KDM4C: variants seen among roughly 807,000 people sequenced by gnomAD.
KDM4C encodes the protein lysine-specific demethylase 4C.
A neutral mutation model predicts 129.3 loss-of-function variants in KDM4C; 81 were observed. The ratio of observed to expected loss-of-function variants is 0.63; its 90% CI spans 0.52 to 0.75. KDM4C has a LOEUF of 0.75. Among genes scored for constraint, KDM4C ranks in the 30% least tolerant of loss-of-function variants. The pLI, the probability that KDM4C is intolerant of heterozygous loss-of-function variation, is 0.00. For missense variants in KDM4C, 1,457 were observed against 1,304.0 expected, an observed-to-expected ratio of 1.12 and a Z score of -1.81; for synonymous variants, 573 against 456.1, an observed-to-expected ratio of 1.26 and a Z score of -3.26.
chr9:6,910,269 T>A (rs1304660526), intron 8 of KDM4C, among the ~76,000 whole-genome samples: 1 of 152,194 alleles, frequency 6.6e-6, no homozygotes. Context: ...CATTTGTAAT[T>A]CATTAATCTT....
rs377182764 is a variant in KDM4C, at chr9:6,847,406, G to GT, written c.436-2091dup. Among the ~76,000 whole-genome samples, 1,406 of 147,600 alleles carry GT rather than the reference G, an allele frequency of 9.5e-3. 21 individuals are homozygous for GT. The highest frequency in any genetic ancestry group is 0.033 in the African/African-American group (1,313 of 40,398). ...GGAACCTAGGATCTTCTCTTTTTTT[G>GT]TTTTTTTTTTGAGACGGAGTCTTGC... On this transcript the variant is annotated intron_variant, in intron 4 of 21. Coordinates refer to ENST00000381309, the MANE Select transcript of KDM4C (RefSeq NM_015061.6).
chr9:6,855,459 A>AC (rs2130289245), intron 5 of KDM4C, among the ~76,000 whole-genome samples: 1 of 27,456 alleles, frequency 3.6e-5, no homozygotes, highest in African/African-American at 2.9e-4. Flanking sequence ...ACTCCGTCTC[A>AC]AAAAAAAAAA....
At chr9:6,925,359 GAGA>G in intron 8 of KDM4C, 4 of 985,394 alleles carry the variant, frequency 4.1e-6, no homozygotes, top group Non-Finnish European at 4.8e-6. Flanking sequence ...TTTTGGCGAA[GAGA>G]AGCTCAGTTC....
intron 1 of KDM4C, among the ~76,000 whole-genome samples, chr9:6,749,499 A>G (rs1817998624): frequency 6.6e-6 from 1 of 152,064 alleles, no homozygotes; most frequent in Non-Finnish European, 1.5e-5. Context: ...CCATCTCTAC[A>G]AAAAATAAAT....
intron 1 of KDM4C, among the ~76,000 whole-genome samples, chr9:6,764,048 C>T (rs762837260): frequency 1.3e-5 from 2 of 152,124 alleles, no homozygotes; most frequent in Non-Finnish European, 2.9e-5. Flanking sequence ...AATGAGCCAC[C>T]GCTCCCAGCC....
intron 4 of KDM4C, among the ~76,000 whole-genome samples, chr9:6,824,142 T>C (rs1833497424): frequency 6.6e-6 from 1 of 152,198 alleles, no homozygotes; most frequent in African/African-American, 2.4e-5. Context: ...GTAAAAAAAT[T>C]ATTGTAGCAA....
chr9:7,015,440 G>A (rs531669717), intron 14 of KDM4C, among the ~76,000 whole-genome samples: 1 of 152,144 alleles, frequency 6.6e-6, no homozygotes, highest in East Asian at 1.9e-4. Flanking sequence ...TGCAGCATTT[G>A]CCCTATCATT....
intron 8 of KDM4C, among the ~76,000 whole-genome samples, chr9:6,897,635 G>A (rs1283434310): frequency 6.6e-6 from 1 of 152,252 alleles, no homozygotes; most frequent in South Asian, 2.1e-4. Flanking sequence ...TTTGGTGAGT[G>A]CCCAGTGAGT....
intron 1 of KDM4C, among the ~76,000 whole-genome samples, chr9:6,730,208 G>A (rs1481017838): frequency 6.6e-6 from 1 of 152,156 alleles, no homozygotes; most frequent in East Asian, 1.9e-4. Flanking sequence ...AAAAGCAACA[G>A]GGCTTTTCGG....
intron 1 of KDM4C, among the ~76,000 whole-genome samples, chr9:6,722,976 C>T (rs559854118): frequency 3.0e-4 from 45 of 151,682 alleles, no homozygotes; most frequent in Non-Finnish European, 6.0e-4. Flanking sequence ...GAGCGATACA[C>T]GACAGAGCAA....
At chr9:7,107,696 C>G (rs985455317) in intron 18 of KDM4C, among the ~76,000 whole-genome samples, 1 of 152,112 alleles carries the variant, frequency 6.6e-6, no homozygotes. Flanking sequence ...CTTTAGAAAC[C>G]TTAGAAGTCG....
intron 15 of KDM4C, among the ~76,000 whole-genome samples, chr9:7,036,310 C>A (rs1288349887): frequency 1.3e-5 from 2 of 152,052 alleles, no homozygotes; most frequent in Non-Finnish European, 2.9e-5. Context: ...TATTTGAAAA[C>A]CAAATGTTGT....
At chr9:7,120,833 C>G (rs372609495) in intron 18 of KDM4C, among the ~76,000 whole-genome samples, 1 of 152,204 alleles carries the variant, frequency 6.6e-6, no homozygotes, top group East Asian at 1.9e-4. Flanking sequence ...TCCTAACTCA[C>G]TTGGTCAGCT....
At chr9:7,158,599 C>G (rs927737683) in intron 19 of KDM4C, among the ~76,000 whole-genome samples, 2 of 152,150 alleles carry the variant, frequency 1.3e-5, no homozygotes, top group African/African-American at 4.8e-5. Context: ...TCGTTGTTTA[C>G]CCAGTAGTCA....
At chr9:6,992,229 T>A (rs1299471328) in intron 12 of KDM4C, among the ~76,000 whole-genome samples, 4 of 152,196 alleles carry the variant, frequency 2.6e-5, no homozygotes, top group African/African-American at 9.6e-5. Context: ...AAAGCTGCTT[T>A]CTCCTGTGTC....
At chr9:7,077,708 C>T (rs1834083945) in intron 17 of KDM4C, among the ~76,000 whole-genome samples, 1 of 152,184 alleles carries the variant, frequency 6.6e-6, no homozygotes, top group African/African-American at 2.4e-5. Context: ...TCCTGAGTCT[C>T]ATCATCATTG....
chr9:7,030,151 T>G (rs934314854), intron 15 of KDM4C, among the ~76,000 whole-genome samples: 1 of 152,206 alleles, frequency 6.6e-6, no homozygotes, highest in Non-Finnish European at 1.5e-5. Flanking sequence ...TCTGGCTTGC[T>G]TTGTATTTCC....
At chr9:7,050,633 C>T (rs1482516017) in intron 17 of KDM4C, among the ~76,000 whole-genome samples, 1 of 152,030 alleles carries the variant, frequency 6.6e-6, no homozygotes, top group African/African-American at 2.4e-5. Context: ...TGTCAAAATT[C>T]TACACCACCT....
rs147868042 is a variant in KDM4C at position 6,887,978 on chromosome 9, C to T, written c.698C>T (p.Ser233Phe). The stretch of plus-strand genomic sequence containing the variant: ...TTTTTAGGTTTTTTCCCAAGCAGCT[C>T]CCAAGGGTGTGATGCATTTCTTCGC... ...RLAQGFFPSS[S>F]QGCDAFLRHK... Residue 233 changes from serine (S) to phenylalanine (F), a missense_variant, in exon 7 of 22, where the codon TCC becomes TTC. Coordinates refer to ENST00000381309, the MANE Select transcript of KDM4C (RefSeq NM_015061.6). 5.0e-6 allele frequency: 8 copies of T among 1,610,526 alleles called. No individual in the cohort carries two copies. Among genetic ancestry groups the T allele is most frequent in the Non-Finnish European group, 6.8e-6 (8 of 1,176,996 alleles).
Sources: allele counts gnomAD v4.1 joint callset (sites outside exome capture counted in the v4.1 genomes callset), GRCh38; gene constraint gnomAD v4.1.1; transcripts MANE v1.5; gene names NCBI Gene and HGNC (gene_info 2026-07-23, HGNC 2026-07-21).